ADGRA3: variants seen among roughly 807,000 people sequenced by gnomAD.
The protein encoded by ADGRA3 is adhesion G protein-coupled receptor A3.
Under a neutral mutation model 119.8 loss-of-function variants are expected in ADGRA3, and 56 were observed. That is an observed-to-expected ratio of 0.47 (90% CI 0.38 to 0.58). The LOEUF (loss-of-function observed/expected upper bound fraction) is 0.58, where lower values mean the gene tolerates loss of function less well. ADGRA3 is among the 20% of genes least tolerant of loss of function. ADGRA3 has a pLI of 0.00. For synonymous variants in ADGRA3, 607 were observed against 623.8 expected, an observed-to-expected ratio of 0.97 and a Z score of 0.40; for missense variants, 1,516 against 1,649.0, an observed-to-expected ratio of 0.92 and a Z score of 1.40.
chr4:22,403,460 G>A lies in ADGRA3; in HGVS notation c.2233-661C>T, dbSNP rs528808362. On this transcript the variant is annotated intron_variant, in intron 14 of 18. Transcript: ENST00000334304. ...AGAGCTCAAAAATCAGTAAATGGCT[G>A]AGCACAGTGGCTCGCACCTGTAATC... Among the ~76,000 whole-genome samples, 50 of 152,100 alleles carry A rather than the reference G, an allele frequency of 3.3e-4. 1 individual carries two copies. The highest frequency in any genetic ancestry group is 2.9e-3 in the Admixed American group (44 of 15,278).
intron 4 of ADGRA3, among the ~76,000 whole-genome samples, chr4:22,447,728 T>A (rs1201861989): frequency 2.0e-5 from 3 of 152,132 alleles, no homozygotes; most frequent in South Asian, 2.1e-4. Flanking sequence ...AATACAATTA[T>A]TAAAAGCATA....
At chr4:22,442,245 T>C (rs1488925520) in intron 7 of ADGRA3, among the ~76,000 whole-genome samples, 2 of 152,112 alleles carry the variant, frequency 1.3e-5, no homozygotes, top group Non-Finnish European at 2.9e-5. Context: ...TTTATACTAG[T>C]AGGTGGAGAA....
rs529537113 is a variant in ADGRA3, at chr4:22,469,648, C to T, written c.329+4124G>A. The stretch of plus-strand genomic sequence containing the variant: ...AACCTATCCCACATTCAGTGTGGCA[C>T]AGGATACCGTAATCTCTGCCTTCAC... On this transcript the variant is annotated intron_variant, in intron 2 of 18. Coordinates refer to ENST00000334304, the MANE Select transcript of ADGRA3 (RefSeq NM_145290.4). Among the ~76,000 whole-genome samples, 7 of 152,300 alleles carry T rather than the reference C, an allele frequency of 4.6e-5. No homozygotes were observed. In the East Asian group the frequency reaches 1.2e-3, roughly 25 times the overall value.
intron 1 of ADGRA3, among the ~76,000 whole-genome samples, chr4:22,487,915 G>A (rs1462988): frequency 0.46 from 70,502 of 151,978 alleles, 18,142 homozygotes; most frequent in East Asian, 0.6. Context: ...CGCCTGGGAA[G>A]CAAAAGGCAA....
chr4:22,450,653 G>A (rs1564139), intron 4 of ADGRA3, among the ~76,000 whole-genome samples: 113,469 of 151,996 alleles, frequency 0.75, 43,759 homozygotes, highest in Non-Finnish European at 0.85. Flanking sequence ...AGCTGCATGT[G>A]TATATGATAC....
intron 1 of ADGRA3, among the ~76,000 whole-genome samples, chr4:22,509,397 G>T (rs1719358744): frequency 6.6e-6 from 1 of 151,864 alleles, no homozygotes; most frequent in South Asian, 2.1e-4. Flanking sequence ...CAGCTACTCG[G>T]GGCGCTGAGG....
chr4:22,395,039 TTTC>T (rs1714293666), intron 16 of ADGRA3, among the ~76,000 whole-genome samples: 1 of 152,212 alleles, frequency 6.6e-6, no homozygotes, highest in Admixed American at 6.5e-5. Flanking sequence ...GCTATCACAT[TTTC>T]TTCCAAATAA....
chr4:22,440,210 T>G (rs780722808), intron 7 of ADGRA3, among the ~76,000 whole-genome samples: 22 of 152,166 alleles, frequency 1.4e-4, no homozygotes, highest in Non-Finnish European at 3.1e-4. Context: ...TTTTTCCCCT[T>G]CAATCTCCAA....
intron 10 of ADGRA3, among the ~76,000 whole-genome samples, chr4:22,425,483 C>A (rs369904307): frequency 2.0e-5 from 3 of 152,110 alleles, no homozygotes; most frequent in Non-Finnish European, 4.4e-5. Flanking sequence ...GCTAATGAGA[C>A]GTACTGGTGT....
chr4:22,429,812 G>A (rs936613706), intron 10 of ADGRA3, among the ~76,000 whole-genome samples: 18 of 152,108 alleles, frequency 1.2e-4, no homozygotes, highest in African/African-American at 4.3e-4. Context: ...TCACAGTTAA[G>A]GATACATTAG....
rs1192599965 is a variant in ADGRA3 at position 22,498,719 on chromosome 4, G to T, written c.257+16809C>A. Among the ~76,000 whole-genome samples, 6 of 152,002 alleles carry T rather than the reference G, an allele frequency of 3.9e-5. No individual in the cohort carries two copies. The South Asian group carries it at 1.2e-3, about 32-fold the overall frequency. On this transcript the variant is annotated intron_variant, in intron 1 of 18. Transcript: ENST00000334304. ...TCACAAGGTCAGGAGTTTGAGACCA[G>T]CCTGACCAACATGGTGAAACCCCGT...
Position 22,490,363 on chromosome 4 carries a change from A to C in ADGRA3, c.258-16520T>G, listed in dbSNP as rs190972156. Among the ~76,000 whole-genome samples the C allele has an allele frequency of 7.7e-3, 1,176 of 152,308 alleles. 8 individuals are homozygous for C. The highest frequency in any genetic ancestry group is 0.037 in the Middle Eastern group (11 of 294). Reference sequence around the variant, plus strand: ...ATCAATAAAGAACACTGGACACTTAATATTTATGAATATAATAAAAGCCAT... The same window carrying C: ...ATCAATAAAGAACACTGGACACTTACTATTTATGAATATAATAAAAGCCAT... On this transcript the variant is annotated intron_variant, in intron 1 of 18. Transcript: ENST00000334304.
At chr4:22,422,623 T>C (rs1715753548) in intron 11 of ADGRA3, among the ~76,000 whole-genome samples, 1 of 152,180 alleles carries the variant, frequency 6.6e-6, no homozygotes, top group Admixed American at 6.5e-5. Flanking sequence ...GCCATATCAT[T>C]TTACTTATTA....
chr4:22,398,813 T>A lies in ADGRA3; in HGVS notation c.2481+2618A>T, dbSNP rs770211526. 9.9e-4 allele frequency among the ~76,000 whole-genome samples: 151 copies of A among 152,138 alleles called. 4 individuals are homozygous for A. Among genetic ancestry groups the A allele is most frequent in the Non-Finnish European group, 3.1e-4 (21 of 68,014 alleles). On this transcript the variant is annotated intron_variant, in intron 16 of 18. Coordinates refer to ENST00000334304, the MANE Select transcript of ADGRA3 (RefSeq NM_145290.4). Reference sequence around the variant, plus strand: ...GCTGGGCATTTGGGTTGCTTCCAGGTTTTTGATATTGTGCATAGTGCTGCA... The same window carrying A: ...GCTGGGCATTTGGGTTGCTTCCAGGATTTTGATATTGTGCATAGTGCTGCA...
At chr4:22,418,769 C>G (rs969012539) in intron 12 of ADGRA3, among the ~76,000 whole-genome samples, 1 of 151,954 alleles carries the variant, frequency 6.6e-6, no homozygotes, top group Non-Finnish European at 1.5e-5. Flanking sequence ...ACAGCCTGCA[C>G]AGAAGGGAAG....
At chr4:22,444,744 C>T (rs1485215889) in intron 6 of ADGRA3, among the ~76,000 whole-genome samples, 1 of 151,670 alleles carries the variant, frequency 6.6e-6, no homozygotes, top group East Asian at 1.9e-4. Context: ...ATAAAGAAAG[C>T]TGATGTGAAC....
chr4:22,424,366 A>G lies in ADGRA3; in HGVS notation c.1444-14T>C, dbSNP rs1560309834. The G allele has an allele frequency of 6.2e-7, 1 of 1,605,278 alleles. No homozygotes were observed. The highest frequency in any genetic ancestry group is 8.5e-7 in the Non-Finnish European group (1 of 1,174,910). On this transcript the variant is annotated splice_polypyrimidine_tract_variant and intron_variant, in intron 10 of 18. Coordinates refer to ENST00000334304, the MANE Select transcript of ADGRA3 (RefSeq NM_145290.4). Reference sequence around the variant, plus strand: ...CACGTCACCTAGCTAGCAGGGGTTCAGGAGAAAAAAGAAAGATCTTTAAAA... The same window carrying G: ...CACGTCACCTAGCTAGCAGGGGTTCGGGAGAAAAAAGAAAGATCTTTAAAA...
chr4:22,437,588 T>C (rs1056863564), intron 8 of ADGRA3, among the ~76,000 whole-genome samples: 1 of 152,204 alleles, frequency 6.6e-6, no homozygotes, highest in East Asian at 1.9e-4. Context: ...AAAGCACCTT[T>C]GAAAGTAAAG....
intron 16 of ADGRA3, among the ~76,000 whole-genome samples, chr4:22,395,530 CTG>C (rs1714314030): frequency 6.6e-6 from 1 of 152,138 alleles, no homozygotes; most frequent in Non-Finnish European, 1.5e-5. Context: ...GAGACTAAGA[CTG>C]AGAGAAGTCA....
Sources: gnomAD v4.1 joint callset for allele counts (sites outside exome capture counted in the v4.1 genomes callset) on GRCh38, gnomAD v4.1.1 for gene constraint, MANE v1.5 for transcripts, NCBI Gene and HGNC (gene_info 2026-07-23, HGNC 2026-07-21) for gene names.